Variants in SGCZ observed in about 807,000 individuals in gnomAD.
SGCZ encodes zeta-sarcoglycan.
SGCZ carries 40 observed loss-of-function variants against 41.3 expected under a neutral mutation model. The ratio of observed to expected loss-of-function variants is 0.97; its 90% CI spans 0.75 to 1.26. The LOEUF is 1.26. Ranked by LOEUF, SGCZ falls within the 50% of genes most tolerant of loss-of-function variation. The pLI is 0.00. For synonymous variants in SGCZ, 206 were observed against 137.5 expected (o/e 1.50, Z -3.49); for missense variants, 552 against 369.8 (o/e 1.49, Z -4.04).
intron 2 of SGCZ, among the ~76,000 whole-genome samples, chr8:14,492,971 C>G (rs985516340): frequency 6.6e-6 from 1 of 152,082 alleles, no homozygotes; most frequent in African/African-American, 2.4e-5. Context: ...GTCTTCATTG[C>G]TATCATGGGA....
At chr8:14,847,296 C>T (rs964492811) in intron 1 of SGCZ, among the ~76,000 whole-genome samples, 3 of 152,070 alleles carry the variant, frequency 2.0e-5, no homozygotes, top group African/African-American at 7.2e-5. Flanking sequence ...GATATGAAGA[C>T]TTGATAAAGG....
intron 7 of SGCZ, among the ~76,000 whole-genome samples, chr8:14,096,812 T>C (rs1045966796): frequency 5.9e-5 from 9 of 152,306 alleles, no homozygotes; most frequent in Admixed American, 3.9e-4. Context: ...GGTATTCGAC[T>C]TCTTCCTGGT....
intron 2 of SGCZ, among the ~76,000 whole-genome samples, chr8:14,336,268 A>G (rs534548171): frequency 2.0e-5 from 3 of 152,252 alleles, no homozygotes; most frequent in African/African-American, 7.2e-5. Flanking sequence ...TTTCTTGGCT[A>G]CATAGTATTC....
At chr8:14,953,596 A>G (rs538611486) in intron 1 of SGCZ, among the ~76,000 whole-genome samples, 1 of 152,208 alleles carries the variant, frequency 6.6e-6, no homozygotes, top group South Asian at 2.1e-4. Context: ...GAGGTTAAGG[A>G]CCCCAGCTCT....
intron 2 of SGCZ, among the ~76,000 whole-genome samples, chr8:14,536,135 A>G (rs143009349): frequency 0.012 from 1,818 of 152,004 alleles, 16 homozygotes; most frequent in Middle Eastern, 0.024. Flanking sequence ...TTTAGCATAT[A>G]CATATGAAAA....
chr8:14,715,822 A>T (rs374864136), intron 1 of SGCZ, among the ~76,000 whole-genome samples: 230 of 152,260 alleles, frequency 1.5e-3, no homozygotes, highest in African/African-American at 5.2e-3. Context: ...AAAAATTCCA[A>T]TTTAGAGGAG....
chr8:14,447,252 A>G (rs1800459121), intron 2 of SGCZ, among the ~76,000 whole-genome samples: 1 of 152,182 alleles, frequency 6.6e-6, no homozygotes, highest in Non-Finnish European at 1.5e-5. Flanking sequence ...AGAAGTCATC[A>G]GTCAAACCAA....
chr8:14,767,519 G>C (rs1291867072), intron 1 of SGCZ, among the ~76,000 whole-genome samples: 1 of 152,192 alleles, frequency 6.6e-6, no homozygotes, highest in East Asian at 1.9e-4. Flanking sequence ...TAAGACCAAG[G>C]AATGTGATGA....
intron 1 of SGCZ, among the ~76,000 whole-genome samples, chr8:15,177,808 G>C (rs1406003597): frequency 1.3e-5 from 2 of 152,132 alleles, no homozygotes; most frequent in Admixed American, 6.5e-5. Context: ...CCCTGAACCA[G>C]TATACGTGGA....
At chr8:14,962,386 G>A (rs1461674843) in intron 1 of SGCZ, among the ~76,000 whole-genome samples, 1 of 148,622 alleles carries the variant, frequency 6.7e-6, no homozygotes, top group African/African-American at 2.5e-5. Flanking sequence ...CAAGGTAATT[G>A]TATATATATA....
chr8:14,760,314 C>A (rs913924433), intron 1 of SGCZ, among the ~76,000 whole-genome samples: 3 of 152,134 alleles, frequency 2.0e-5, no homozygotes, highest in Non-Finnish European at 4.4e-5. Context: ...ATAAATAATT[C>A]ATGGATGCTA....
intron 1 of SGCZ, among the ~76,000 whole-genome samples, chr8:14,597,141 G>A (rs974792500): frequency 3.3e-5 from 5 of 152,112 alleles, no homozygotes; most frequent in Non-Finnish European, 7.3e-5. Flanking sequence ...GTTAGAATAC[G>A]TTAAAATATT....
At chr8:15,046,120 T>G (rs945687992) in intron 1 of SGCZ, among the ~76,000 whole-genome samples, 4 of 152,088 alleles carry the variant, frequency 2.6e-5, no homozygotes, top group African/African-American at 9.7e-5. Context: ...TTCCATTCTA[T>G]AGTGAACAGC....
At chr8:14,230,850 G>C (rs1374170784) in intron 4 of SGCZ, among the ~76,000 whole-genome samples, 2 of 150,788 alleles carry the variant, frequency 1.3e-5, no homozygotes, top group East Asian at 3.9e-4. Context: ...GTGCAATTTT[G>C]GAATAACTTA....
At chr8:14,479,007 C>T (rs1250086386) in intron 2 of SGCZ, among the ~76,000 whole-genome samples, 2 of 152,174 alleles carry the variant, frequency 1.3e-5, no homozygotes, top group Non-Finnish European at 2.9e-5. Flanking sequence ...TAGGTCCTGT[C>T]TCCTGTTGTA....
chr8:14,581,449 G>GT lies in SGCZ; in HGVS notation c.40-26524dup, dbSNP rs983159218. 4.7e-3 allele frequency among the ~76,000 whole-genome samples: 686 copies of GT among 144,698 alleles called. 5 individuals are homozygous for GT. Among genetic ancestry groups the GT allele is most frequent in the African/African-American group, 0.011 (440 of 39,546 alleles). 94.9% of individuals were successfully genotyped at this position (144,698 alleles called of 152,430 possible). On this transcript the variant is annotated intron_variant, in intron 1 of 7. Coordinates refer to ENST00000382080, the MANE Select transcript of SGCZ (RefSeq NM_139167.4). ...ATGTTTTTTGTTTGTTTGTTTTTTT[G>GT]TTTTTTTTTTTCCCCCACAGTGCTC...
chr8:14,417,939 T>G (rs1471066513), intron 2 of SGCZ, among the ~76,000 whole-genome samples: 2 of 151,900 alleles, frequency 1.3e-5, no homozygotes, highest in African/African-American at 4.8e-5. Flanking sequence ...GATTCACATA[T>G]TTTTATCATG....
intron 4 of SGCZ, among the ~76,000 whole-genome samples, chr8:14,200,796 T>C (rs191554681): frequency 7.2e-5 from 11 of 152,260 alleles, no homozygotes; most frequent in African/African-American, 2.6e-4. Flanking sequence ...AATGAATGAA[T>C]TAAAGTTCCT....
intron 1 of SGCZ, among the ~76,000 whole-genome samples, chr8:15,011,763 T>C (rs1383427523): frequency 6.6e-6 from 1 of 152,218 alleles, no homozygotes; most frequent in African/African-American, 2.4e-5. Flanking sequence ...AATGTGTTCC[T>C]CTAAAATGTT....
Sources: allele counts gnomAD v4.1 joint callset (sites outside exome capture counted in the v4.1 genomes callset), GRCh38; gene constraint gnomAD v4.1.1; transcripts MANE v1.5; gene names NCBI Gene and HGNC (gene_info 2026-07-23, HGNC 2026-07-21).